CACNA2D3: variants seen among roughly 807,000 people sequenced by gnomAD.
CACNA2D3 encodes the protein calcium voltage-gated channel auxiliary subunit alpha2delta 3.
CACNA2D3 carries 60 observed loss-of-function variants against 160.6 expected under a neutral mutation model. That is an observed-to-expected ratio of 0.37 (90% CI 0.30 to 0.46). The LOEUF is 0.46. Among genes scored for constraint, CACNA2D3 ranks in the 20% least tolerant of loss-of-function variants. The pLI, the probability that CACNA2D3 is intolerant of heterozygous loss-of-function variation, is 1.00. For missense variants in CACNA2D3, 1,205 were observed against 1,365.0 expected (o/e 0.88, Z 1.85); for synonymous variants, 558 against 492.9 (o/e 1.13, Z -1.75).
intron 34 of CACNA2D3, among the ~76,000 whole-genome samples, chr3:55,017,116 A>T (rs939711867): frequency 6.6e-6 from 1 of 152,216 alleles, no homozygotes; most frequent in African/African-American, 2.4e-5. Flanking sequence ...AAATGTAAAT[A>T]AGATTTTTTT....
chr3:54,615,843 G>A (rs758600388), intron 9 of CACNA2D3, among the ~76,000 whole-genome samples: 1 of 152,152 alleles, frequency 6.6e-6, no homozygotes, highest in African/African-American at 2.4e-5. Flanking sequence ...GGGTGAGTGA[G>A]CAAGCATTAC....
At chr3:54,783,353 C>A (rs910259487) in intron 13 of CACNA2D3, among the ~76,000 whole-genome samples, 3 of 152,194 alleles carry the variant, frequency 2.0e-5, no homozygotes, top group Admixed American at 6.5e-5. Flanking sequence ...CACCTGTAAT[C>A]CCAGCACTTT....
At chr3:54,670,069 C>T (rs993287312) in intron 11 of CACNA2D3, among the ~76,000 whole-genome samples, 8 of 152,172 alleles carry the variant, frequency 5.3e-5, no homozygotes, top group African/African-American at 1.7e-4. Flanking sequence ...CTGGGGAAAC[C>T]TTGCTCTCCC....
At chr3:54,594,210 T>G (rs553821779) in intron 9 of CACNA2D3, among the ~76,000 whole-genome samples, 109 of 152,334 alleles carry the variant, frequency 7.2e-4, no homozygotes, top group African/African-American at 2.5e-3. Flanking sequence ...TAGTAAATAT[T>G]CTAGGCTTCG....
intron 18 of CACNA2D3, chr3:54,876,181 G>A (rs1699653969): frequency 6.6e-6 from 1 of 152,172 alleles, no homozygotes; most frequent in Non-Finnish European, 1.5e-5. Context: ...CCCGCCTTAG[G>A]TGGGGACTGA....
chr3:54,549,707 G>A (rs746111069), intron 5 of CACNA2D3, among the ~76,000 whole-genome samples: 3 of 152,122 alleles, frequency 2.0e-5, no homozygotes, highest in Non-Finnish European at 2.9e-5. Context: ...AGCAGTATCC[G>A]TGACAGCTCC....
chr3:54,728,850 T>A (rs1323473690), intron 11 of CACNA2D3, among the ~76,000 whole-genome samples: 1 of 152,238 alleles, frequency 6.6e-6, no homozygotes, highest in East Asian at 1.9e-4. Context: ...AAATTTTGAT[T>A]TCCCACCATT....
At chr3:54,487,745 G>C (rs972463504) in intron 4 of CACNA2D3, among the ~76,000 whole-genome samples, 5 of 152,230 alleles carry the variant, frequency 3.3e-5, no homozygotes, top group African/African-American at 1.2e-4. Context: ...GTTCAGTATG[G>C]TAGCCACAAG....
At chr3:54,848,741 A>T (rs1698990170) in intron 17 of CACNA2D3, among the ~76,000 whole-genome samples, 1 of 152,112 alleles carries the variant, frequency 6.6e-6, no homozygotes, top group African/African-American at 2.4e-5. Context: ...GTGAAGCTCA[A>T]CTCCTAGTCC....
intron 27 of CACNA2D3, among the ~76,000 whole-genome samples, chr3:54,936,338 A>T (rs1403339105): frequency 6.6e-6 from 1 of 152,310 alleles, no homozygotes; most frequent in East Asian, 1.9e-4. Context: ...AGAGCTCCCC[A>T]TCTTTTCGTA....
chr3:54,736,529 A>G (rs1701535654), intron 11 of CACNA2D3, among the ~76,000 whole-genome samples: 1 of 152,166 alleles, frequency 6.6e-6, no homozygotes, highest in Non-Finnish European at 1.5e-5. Flanking sequence ...GCCAATTTAC[A>G]TTTCCACCAG....
chr3:54,439,810 C>CA (rs1700115364), intron 4 of CACNA2D3, among the ~76,000 whole-genome samples: 1 of 152,152 alleles, frequency 6.6e-6, no homozygotes, highest in Non-Finnish European at 1.5e-5. Flanking sequence ...AAGGGGGAAC[C>CA]AGCTCTCACT....
chr3:54,786,409 A>AGTC (rs1702642316), intron 13 of CACNA2D3, among the ~76,000 whole-genome samples: 2 of 152,318 alleles, frequency 1.3e-5, no homozygotes, highest in South Asian at 4.1e-4. Flanking sequence ...ATGCTTCTGC[A>AGTC]GTCCTTTAAG....
intron 13 of CACNA2D3, among the ~76,000 whole-genome samples, chr3:54,766,495 G>A (rs984771966): frequency 6.6e-6 from 1 of 152,166 alleles, no homozygotes; most frequent in African/African-American, 2.4e-5. Flanking sequence ...TGGGAAAAGG[G>A]ACACTCTTAT....
At chr3:54,136,102 A>G (rs761133192) in intron 2 of CACNA2D3, among the ~76,000 whole-genome samples, 4 of 151,988 alleles carry the variant, frequency 2.6e-5, no homozygotes, top group African/African-American at 4.8e-5. Flanking sequence ...GTGTTTGTGA[A>G]CTCTCCTCAG....
intron 35 of CACNA2D3, among the ~76,000 whole-genome samples, chr3:55,027,153 A>G (rs1012106721): frequency 9.9e-5 from 15 of 152,214 alleles, no homozygotes; most frequent in Non-Finnish European, 1.0e-4. Context: ...TAATCCAAAA[A>G]TCTTTGTGAA....
intron 32 of CACNA2D3, among the ~76,000 whole-genome samples, chr3:55,007,496 G>T (rs927572207): frequency 1.3e-5 from 2 of 152,186 alleles, no homozygotes; most frequent in Non-Finnish European, 2.9e-5. Context: ...GAGGGTAAAG[G>T]TTTAAGCATC....
Position 54,541,016 on chromosome 3 carries a change from G to T in CACNA2D3, c.545-21784G>T, listed in dbSNP as rs142397876. ...AGGGAGGCCGAGCGTGGTGGCTCACGCCTGTAATCCCAGCACTTTGGGAGG... is the reference window on the plus strand; with the variant it reads ...AGGGAGGCCGAGCGTGGTGGCTCACTCCTGTAATCCCAGCACTTTGGGAGG... On this transcript the variant is annotated intron_variant, in intron 5 of 37. Transcript: ENST00000474759. 4.6e-3 allele frequency among the ~76,000 whole-genome samples: 707 copies of T among 152,180 alleles called. 6 individuals carry two copies. Among genetic ancestry groups the T allele is most frequent in the African/African-American group, 0.016 (670 of 41,540 alleles).
At chr3:54,725,107 A>G (rs1047649499) in intron 11 of CACNA2D3, among the ~76,000 whole-genome samples, 1 of 152,184 alleles carries the variant, frequency 6.6e-6, no homozygotes, top group Non-Finnish European at 1.5e-5. Flanking sequence ...CAGAAATACA[A>G]ACTACCATCA....
Sources: gnomAD v4.1 joint callset for allele counts (sites outside exome capture counted in the v4.1 genomes callset) on GRCh38, gnomAD v4.1.1 for gene constraint, MANE v1.5 for transcripts, NCBI Gene and HGNC (gene_info 2026-07-23, HGNC 2026-07-21) for gene names.